The following MAPK10 variants were observed in gnomAD, a reference collection of about 807,000 sequenced individuals.
The protein encoded by MAPK10 is JNK3 alpha protein kinase.
Under a neutral mutation model 59.3 loss-of-function variants are expected in MAPK10, and 25 were observed. That is an observed-to-expected ratio of 0.42 (90% CI 0.31 to 0.59). The LOEUF is 0.59. Among genes scored for constraint, MAPK10 ranks in the 20% least tolerant of loss-of-function variants. The pLI, the probability that MAPK10 is intolerant of heterozygous loss-of-function variation, is 0.15. For synonymous variants in MAPK10, 190 were observed against 200.5 expected, an observed-to-expected ratio of 0.95 and a Z score of 0.44; for missense variants, 351 against 568.9, an observed-to-expected ratio of 0.62 and a Z score of 3.90.
chr4:86,364,592 C>T (rs1737531374), upstream of MAPK10, among the ~76,000 whole-genome samples: 1 of 152,156 alleles, frequency 6.6e-6, no homozygotes, highest in South Asian at 2.1e-4. Context: ...ATTCTATACA[C>T]TTCAGGAAAA....
chr4:86,571,332 G>GTA (rs1433647356), intron 1 of MAPK10, among the ~76,000 whole-genome samples: 1 of 135,240 alleles, frequency 7.4e-6, no homozygotes, highest in Non-Finnish European at 1.6e-5. Context: ...ATATACGTGT[G>GTA]TGTGTGTGTG....
chr4:86,048,212 C>T (rs771278967), intron 11 of MAPK10, among the ~76,000 whole-genome samples: 17 of 151,994 alleles, frequency 1.1e-4, no homozygotes, highest in Non-Finnish European at 1.8e-4. Context: ...TCTCTGCACT[C>T]GGTAGATAAA....
chr4:86,533,356 T>C (rs555861796), intron 1 of MAPK10, among the ~76,000 whole-genome samples: 2 of 152,326 alleles, frequency 1.3e-5, no homozygotes, highest in East Asian at 1.9e-4. Flanking sequence ...AATGTGAATG[T>C]ACTAAGTGCC....
intron 11 of MAPK10, among the ~76,000 whole-genome samples, chr4:86,040,553 G>C (rs2041306859): frequency 6.6e-6 from 1 of 152,270 alleles, no homozygotes. Flanking sequence ...GGGGTAGGAA[G>C]TATGTTTAAG....
chr4:86,164,038 C>T (rs894219145), intron 3 of MAPK10, among the ~76,000 whole-genome samples: 7 of 152,060 alleles, frequency 4.6e-5, no homozygotes, highest in Non-Finnish European at 1.0e-4. Context: ...GAATGACTGT[C>T]CTATGTTTCT....
chr4:86,316,486 C>A (rs2095790864), intron 2 of MAPK10, among the ~76,000 whole-genome samples: 1 of 152,086 alleles, frequency 6.6e-6, no homozygotes, highest in African/African-American at 2.4e-5. Context: ...CAACAAAATA[C>A]AACTTCAATG....
chr4:86,308,700 C>A (rs980075157), intron 2 of MAPK10: 2 of 152,122 alleles, frequency 1.3e-5, no homozygotes, highest in African/African-American at 4.8e-5. Context: ...TTAGAATAGA[C>A]TGGGGGAATG....
intron 4 of MAPK10, among the ~76,000 whole-genome samples, chr4:86,132,663 C>T (rs2061222525): frequency 6.6e-6 from 1 of 152,200 alleles, no homozygotes; most frequent in Non-Finnish European, 1.5e-5. Flanking sequence ...CACCATGACT[C>T]ACATTACAAC....
intron 1 of MAPK10, among the ~76,000 whole-genome samples, chr4:86,515,962 A>G (rs1278676790): frequency 6.6e-6 from 1 of 151,882 alleles, no homozygotes. Flanking sequence ...TGCCTAAGCC[A>G]ATGTCTAGAA....
At chr4:86,437,381 T>C (rs1405005208) in intron 1 of MAPK10, among the ~76,000 whole-genome samples, 1 of 152,182 alleles carries the variant, frequency 6.6e-6, no homozygotes, top group Non-Finnish European at 1.5e-5. Flanking sequence ...AACTAAATGA[T>C]TTTTCTCTTG....
At chr4:86,402,013 C>T (rs1743789439) in intron 1 of MAPK10, among the ~76,000 whole-genome samples, 1 of 152,052 alleles carries the variant, frequency 6.6e-6, no homozygotes, top group Non-Finnish European at 1.5e-5. Context: ...CATCCTACGC[C>T]CCCAGCCATA....
At chr4:86,532,901 T>C (rs931124045) in intron 1 of MAPK10, among the ~76,000 whole-genome samples, 1 of 152,210 alleles carries the variant, frequency 6.6e-6, no homozygotes, top group Non-Finnish European at 1.5e-5. Flanking sequence ...GCTCTACCTC[T>C]AGCAGTTAAG....
chr4:86,509,455 G>A (rs1198163501), intron 1 of MAPK10, among the ~76,000 whole-genome samples: 3 of 147,840 alleles, frequency 2.0e-5, no homozygotes, highest in Non-Finnish European at 3.0e-5. Flanking sequence ...GGCCAGAAAC[G>A]CTGACCAAAA....
At chr4:86,526,274 C>A (rs994969768) in intron 1 of MAPK10, among the ~76,000 whole-genome samples, 1 of 152,134 alleles carries the variant, frequency 6.6e-6, no homozygotes, top group Non-Finnish European at 1.5e-5. Context: ...GGTTCAATTT[C>A]TTCCTGATTC....
intron 2 of MAPK10, among the ~76,000 whole-genome samples, chr4:86,348,428 T>C (rs914299055): frequency 6.6e-6 from 1 of 152,190 alleles, no homozygotes; most frequent in African/African-American, 2.4e-5. Flanking sequence ...ACTCTATAAA[T>C]GTTAGCCACT....
chr4:86,380,293 A>G (rs1480266813), intron 1 of MAPK10, among the ~76,000 whole-genome samples: 1 of 152,098 alleles, frequency 6.6e-6, no homozygotes, highest in Admixed American at 6.6e-5. Flanking sequence ...CCTCTGTCAT[A>G]TGTTGGACTA....
chr4:86,300,836 C>G (rs1361675814), intron 2 of MAPK10: 2 of 150,386 alleles, frequency 1.3e-5, no homozygotes, highest in Non-Finnish European at 1.5e-5. Flanking sequence ...CTCTCTCTCT[C>G]TCTTCATGAC....
intron 2 of MAPK10, among the ~76,000 whole-genome samples, chr4:86,322,946 G>A (rs964574279): frequency 8.5e-5 from 13 of 152,198 alleles, no homozygotes; most frequent in Non-Finnish European, 1.6e-4. Context: ...AGGCCAAGGC[G>A]GGAGGATCAC....
intron 2 of MAPK10, among the ~76,000 whole-genome samples, chr4:86,307,495 T>C (rs2095591080): frequency 6.6e-6 from 1 of 152,038 alleles, no homozygotes; most frequent in Non-Finnish European, 1.5e-5. Flanking sequence ...TAGAAATGCA[T>C]AAAGAAAAGA....
Sources: gnomAD v4.1 joint callset for allele counts (sites outside exome capture counted in the v4.1 genomes callset) on GRCh38, gnomAD v4.1.1 for gene constraint, MANE v1.5 for transcripts, NCBI Gene and HGNC (gene_info 2026-07-23, HGNC 2026-07-21) for gene names.